KDM4B: variants seen among roughly 807,000 people sequenced by gnomAD.
KDM4B encodes the protein lysine demethylase 4B.
In KDM4B, 32 loss-of-function variants were observed where a neutral mutation model predicts 125.2. That is an observed-to-expected ratio of 0.26 (90% CI 0.19 to 0.34). KDM4B has a LOEUF of 0.34. Ranked by LOEUF, KDM4B falls within the 10% of genes least tolerant of loss-of-function variation. The pLI is 1.00. For synonymous variants in KDM4B, 721 were observed against 677.9 expected, an observed-to-expected ratio of 1.06 and a Z score of -0.99; for missense variants, 1,190 against 1,577.7, an observed-to-expected ratio of 0.75 and a Z score of 4.16.
chr19:5,057,182 G>A (rs2037437745), intron 6 of KDM4B, among the ~76,000 whole-genome samples: 1 of 152,152 alleles, frequency 6.6e-6, no homozygotes, highest in Admixed American at 6.5e-5. Context: ...CACTGTGGTG[G>A]TGGCTTCCTC....
intron 9 of KDM4B, among the ~76,000 whole-genome samples, chr19:5,094,280 G>A (rs1027784173): frequency 2.6e-5 from 4 of 152,258 alleles, no homozygotes; most frequent in Admixed American, 6.5e-5. Context: ...GTGAGGCCCC[G>A]GGTGCAGGAT....
At chr19:4,976,249 CAAAA>C (rs11327138) in intron 1 of KDM4B, among the ~76,000 whole-genome samples, 3 of 85,572 alleles carry the variant, frequency 3.5e-5, no homozygotes, top group Non-Finnish European at 7.3e-5. Context: ...AACTCAGTCT[CAAAA>C]AAAAAAAAAA....
At chr19:5,112,536 C>G (rs888865181) in intron 10 of KDM4B, 3 of 152,276 alleles carry the variant, frequency 2.0e-5, no homozygotes, top group Non-Finnish European at 4.4e-5. Context: ...CCACCACGCT[C>G]TGCAGAAACA....
intron 8 of KDM4B, among the ~76,000 whole-genome samples, chr19:5,079,656 G>T (rs1424128397): frequency 6.6e-6 from 1 of 152,212 alleles, no homozygotes; most frequent in Non-Finnish European, 1.5e-5. Flanking sequence ...CTTAGAGCAG[G>T]TGGTCAGGGA....
intron 9 of KDM4B, among the ~76,000 whole-genome samples, chr19:5,107,178 A>G (rs1282157737): frequency 6.6e-6 from 1 of 152,230 alleles, no homozygotes; most frequent in Non-Finnish European, 1.5e-5. Context: ...GGCCTCACCC[A>G]TGCACACGGT....
rs1049212164 is a variant in KDM4B, at chr19:5,035,856, C to T, written c.141+2825C>T. Among the ~76,000 whole-genome samples, 6 of 78,436 alleles carry T rather than the reference C, an allele frequency of 7.6e-5. No homozygotes were observed. Among genetic ancestry groups the T allele is most frequent in the African/African-American group, 1.6e-4 (4 of 24,838 alleles). 51.5% of individuals were successfully genotyped at this position (78,436 alleles called of 152,430 possible). A position where few individuals can be genotyped will look rare whatever the true frequency, so the allele number is the denominator to read the frequency against. ...ATGCTGTGGAGGGGCTGTGTGTGCA[C>T]GTGTCTCTGTGTGTGTGTGTGTGTG... On this transcript the variant is annotated intron_variant, in intron 3 of 22. Coordinates refer to ENST00000159111, the MANE Select transcript of KDM4B (RefSeq NM_015015.3). The surrounding 1 kb of genome is among the most constrained non-coding windows in gnomAD (Gnocchi z 5.3).
At chr19:5,050,125 C>T (rs1157979533) in intron 6 of KDM4B, among the ~76,000 whole-genome samples, 1 of 152,232 alleles carries the variant, frequency 6.6e-6, no homozygotes, top group Non-Finnish European at 1.5e-5. Flanking sequence ...TTAATTGCAA[C>T]CATTTCAGAG....
At chr19:5,091,958 TC>T (rs2038716943) in intron 9 of KDM4B, among the ~76,000 whole-genome samples, 1 of 152,084 alleles carries the variant, frequency 6.6e-6, no homozygotes. Flanking sequence ...TCCCAGATCT[TC>T]CCTGTCACTC....
chr19:5,121,643 T>A (rs2039364091), intron 11 of KDM4B, among the ~76,000 whole-genome samples: 1 of 151,994 alleles, frequency 6.6e-6, no homozygotes, highest in Admixed American at 6.5e-5. Context: ...AAAAAAATGA[T>A]CTTTATGGAG....
chr19:4,977,221 G>A (rs1411324760), intron 1 of KDM4B, among the ~76,000 whole-genome samples: 1 of 152,182 alleles, frequency 6.6e-6, no homozygotes, highest in East Asian at 1.9e-4. Flanking sequence ...GGCGGTGGCC[G>A]AGCGCGAAGT....
intron 2 of KDM4B, among the ~76,000 whole-genome samples, chr19:5,028,456 A>G (rs2036350251): frequency 6.6e-6 from 1 of 152,062 alleles, no homozygotes; most frequent in Non-Finnish European, 1.5e-5. Flanking sequence ...TGGATGGGCC[A>G]TGTTGTGTTG....
intron 11 of KDM4B, 127 bp from the exon 12 acceptor site, chr19:5,130,949 C>A: frequency 2.9e-6 from 2 of 686,128 alleles, no homozygotes; most frequent in Non-Finnish European, 4.7e-6. Flanking sequence ...CACCCATGTT[C>A]GTGTGGCCTC....
intron 5 of KDM4B, among the ~76,000 whole-genome samples, chr19:5,041,560 G>A (rs2036818791): frequency 6.6e-6 from 1 of 152,208 alleles, no homozygotes; most frequent in South Asian, 2.1e-4. Flanking sequence ...AGTCCCTGCC[G>A]CTCGTCTTCC....
chr19:5,097,452 T>A (rs554594713), intron 9 of KDM4B, among the ~76,000 whole-genome samples: 36 of 152,284 alleles, frequency 2.4e-4, no homozygotes, highest in African/African-American at 8.4e-4. Flanking sequence ...GGGGTCTCAC[T>A]ATGTTGTCCA....
chr19:4,993,111 T>C (rs910298240), intron 1 of KDM4B, among the ~76,000 whole-genome samples: 4 of 152,154 alleles, frequency 2.6e-5, no homozygotes, highest in African/African-American at 9.7e-5. Context: ...TTATCTTTTA[T>C]TGAAAGTGAG....
At chr19:5,005,195 G>T (rs987286544) in intron 1 of KDM4B, among the ~76,000 whole-genome samples, 1 of 152,220 alleles carries the variant, frequency 6.6e-6, no homozygotes, top group African/African-American at 2.4e-5. Context: ...TGACATCTGA[G>T]GCTACAGGAG....
chr19:5,034,413 G>C (rs1189662823), intron 3 of KDM4B, among the ~76,000 whole-genome samples: 6 of 152,228 alleles, frequency 3.9e-5, no homozygotes, highest in Non-Finnish European at 5.9e-5. Context: ...GCAACCAGAC[G>C]CCGTGTGAAT....
At chr19:5,005,397 CA>C (rs1192671426) in intron 1 of KDM4B, among the ~76,000 whole-genome samples, 2 of 152,184 alleles carry the variant, frequency 1.3e-5, no homozygotes, top group Non-Finnish European at 2.9e-5. Context: ...CCTGTCGTGT[CA>C]TTGGACTTGC....
intron 11 of KDM4B, among the ~76,000 whole-genome samples, chr19:5,125,822 G>A (rs994322126): frequency 1.1e-5 from 1 of 91,934 alleles, no homozygotes; most frequent in African/African-American, 4.5e-5. Context: ...CCACGACAGA[G>A]ACTCCTGGGA....
Sources: gnomAD v4.1 joint callset for allele counts (sites outside exome capture counted in the v4.1 genomes callset) on GRCh38, gnomAD v4.1.1 for gene constraint, Gnocchi (gnomAD v3.1) non-coding constraint, MANE v1.5 for transcripts, NCBI Gene and HGNC (gene_info 2026-07-23, HGNC 2026-07-21) for gene names.